The following ZBTB16 variants were observed in gnomAD, a reference collection of about 807,000 sequenced individuals.
ZBTB16 encodes the protein zinc finger and BTB domain-containing protein 16.
Under a neutral mutation model 56.8 loss-of-function variants are expected in ZBTB16, and 8 were observed. The ratio of observed to expected loss-of-function variants is 0.14; its 90% CI spans 0.08 to 0.25. The LOEUF (loss-of-function observed/expected upper bound fraction) is 0.25. ZBTB16 is among the 10% of genes least tolerant of loss of function. ZBTB16 has a pLI of 1.00. For missense variants in ZBTB16, 625 were observed against 903.0 expected (o/e 0.69, Z 3.95); for synonymous variants, 363 against 368.5 (o/e 0.98, Z 0.17).
intron 2 of ZBTB16, among the ~76,000 whole-genome samples, chr11:114,154,748 ATGTT>A (rs1346297973): frequency 6.6e-6 from 1 of 151,898 alleles, no homozygotes; most frequent in African/African-American, 2.4e-5. Flanking sequence ...GTGTGTGTGT[ATGTT>A]TGTGATTGAG....
intron 3 of ZBTB16, among the ~76,000 whole-genome samples, chr11:114,175,867 C>T (rs1215673133): frequency 6.6e-6 from 1 of 152,012 alleles, no homozygotes; most frequent in Non-Finnish European, 1.5e-5. Context: ...AGGTTATCAG[C>T]TTGAAATGGG....
At position 114,199,726 on chromosome 11, in the gene ZBTB16, C is replaced by A. The variant is rs1943691570; in HGVS notation, c.1453+12688C>A. On this transcript the variant is annotated intron_variant, in intron 4 of 6. Coordinates refer to ENST00000335953, the MANE Select transcript of ZBTB16 (RefSeq NM_006006.6). The stretch of plus-strand genomic sequence containing the variant: ...GGGGTTCTGTGGTTCCAAGGACAGC[C>A]TAAGATTCTGATCTTGCATTGATGG... Among the ~76,000 whole-genome samples the A allele has an allele frequency of 2.0e-5, 3 of 152,186 alleles. No homozygotes were observed. The South Asian group carries it at 6.2e-4, about 32-fold the overall frequency.
chr11:114,167,232 G>GTTTTTTTTTTTTTT lies in ZBTB16; in HGVS notation c.1366+10806_1366+10819dup, dbSNP rs58946694. Among the ~76,000 whole-genome samples the GTTTTTTTTTTTTTT allele has an allele frequency of 1.2e-3, 105 of 88,706 alleles. 6 individuals carry two copies. The highest frequency in any genetic ancestry group is 3.0e-3 in the African/African-American group (50 of 16,624). 58.2% of individuals were successfully genotyped at this position (88,706 alleles called of 152,430 possible). A position where few individuals can be genotyped will look rare whatever the true frequency, so the allele number is the denominator to read the frequency against. ...GGATTTGTGGTTTTTTTTTTTTTTG[G>GTTTTTTTTTTTTTT]TTTTTTTTTTTTTTTTTTTTTGACA... On this transcript the variant is annotated intron_variant, in intron 3 of 6. Coordinates refer to ENST00000335953, the MANE Select transcript of ZBTB16 (RefSeq NM_006006.6).
chr11:114,145,418 T>C (rs1175195483), intron 2 of ZBTB16, among the ~76,000 whole-genome samples: 2 of 152,214 alleles, frequency 1.3e-5, no homozygotes, highest in Non-Finnish European at 2.9e-5. Context: ...CAACCAAATG[T>C]CCATCAGCTG....
At chr11:114,176,274 C>G (rs539543503) in intron 3 of ZBTB16, among the ~76,000 whole-genome samples, 1 of 152,282 alleles carries the variant, frequency 6.6e-6, no homozygotes, top group East Asian at 1.9e-4. Flanking sequence ...GCGGAGATGT[C>G]CCATAAAATC....
chr11:114,177,762 A>T (rs1473153556), intron 3 of ZBTB16, among the ~76,000 whole-genome samples: 1 of 152,190 alleles, frequency 6.6e-6, no homozygotes, highest in Non-Finnish European at 1.5e-5. Flanking sequence ...AGCAATGGTA[A>T]GGTGAACCCC....
chr11:114,085,225 T>G (rs991147577), intron 2 of ZBTB16, among the ~76,000 whole-genome samples: 1 of 152,218 alleles, frequency 6.6e-6, no homozygotes, highest in Non-Finnish European at 1.5e-5. Flanking sequence ...GAAACTCTAT[T>G]TATCTTTACT....
At chr11:114,165,688 G>C (rs546862377) in intron 3 of ZBTB16, among the ~76,000 whole-genome samples, 2 of 152,300 alleles carry the variant, frequency 1.3e-5, no homozygotes, top group Non-Finnish European at 2.9e-5. Flanking sequence ...CAGTGCCAGG[G>C]AGAGGCCTGA....
At chr11:114,173,216 T>C (rs185154865) in intron 3 of ZBTB16, among the ~76,000 whole-genome samples, 54 of 152,266 alleles carry the variant, frequency 3.5e-4, no homozygotes, top group Non-Finnish European at 6.9e-4. Flanking sequence ...CTCAATAAAG[T>C]GATTAAGCTG....
Position 114,061,097 on chromosome 11 carries a change from C to T in ZBTB16, c.-91+1215C>T, listed in dbSNP as rs111247172. ...TCTAGCTCCTCGGGAAAAGTTGCTT[C>T]CCCAAGTTTGCTGAAGTCGTCTCCA... On this transcript the variant is annotated intron_variant, in intron 1 of 6. Transcript: ENST00000335953. Among the ~76,000 whole-genome samples, 548 of 152,186 alleles carry T rather than the reference C, an allele frequency of 3.6e-3. 5 individuals are homozygous for T. Among genetic ancestry groups the T allele is most frequent in the African/African-American group, 0.012 (510 of 41,532 alleles).
chr11:114,181,259 T>C lies in ZBTB16; in HGVS notation c.1367-5693T>C, dbSNP rs61306823. On this transcript the variant is annotated intron_variant, in intron 3 of 6. Transcript: ENST00000335953. ...CTGCGACTTACTGGTTCTGTATATC[T>C]ACCCACCAGCTGTAGGATGGAGCAC... Among the ~76,000 whole-genome samples the C allele has an allele frequency of 6.4e-3, 970 of 152,332 alleles. 11 individuals carry two copies. The highest frequency in any genetic ancestry group is 0.022 in the African/African-American group (935 of 41,574).
rs778479245 is a variant in ZBTB16, at chr11:114,064,506, C to G, written c.1206C>G (p.Ile402Met). The G allele has an allele frequency of 1.9e-6, 3 of 1,614,106 alleles. No homozygotes were observed. Among genetic ancestry groups the G allele is most frequent in the Non-Finnish European group, 2.5e-6 (3 of 1,180,026 alleles). ...AVGMKSESRT[I>M]GEQCSVCGVE... ...GCATGAAGTCAGAGAGCCGGACCAT[C>G]GGAGAGCAGTGCAGCGTGTGTGGGG... Residue 402 changes from isoleucine (I) to methionine (M), a missense_variant, in exon 2 of 7, where the codon ATC (isoleucine) becomes ATG (methionine). Around this residue, in one of 6 missense-constraint regions of ZBTB16, gnomAD observed 384 missense variants for 393.5 expected, o/e 0.98. Coordinates refer to ENST00000335953, the MANE Select transcript of ZBTB16 (RefSeq NM_006006.6). This position sits in a 1 kb window ranked among gnomAD's most constrained non-coding sequence, Gnocchi z 4.2.
chr11:114,232,918 G>A (rs1351784083), intron 4 of ZBTB16, among the ~76,000 whole-genome samples: 4 of 152,088 alleles, frequency 2.6e-5, no homozygotes, highest in African/African-American at 7.2e-5. Flanking sequence ...CACAGCTGGC[G>A]GAGGTGCTTA....
chr11:114,206,953 C>G (rs1388051152), intron 4 of ZBTB16, among the ~76,000 whole-genome samples: 1 of 152,170 alleles, frequency 6.6e-6, no homozygotes, highest in Non-Finnish European at 1.5e-5. Context: ...GCAAGTGACA[C>G]TGGGAAAGGA....
At chr11:114,106,722 C>T (rs1480494766) in intron 2 of ZBTB16, among the ~76,000 whole-genome samples, 1 of 152,188 alleles carries the variant, frequency 6.6e-6, no homozygotes, top group Non-Finnish European at 1.5e-5. Flanking sequence ...GATCCTCCCA[C>T]CTCAGCCGCC....
In ZBTB16 at chr11:114,250,742, C is replaced by G; in HGVS notation, c.*187C>G. ...ATGACCTGGATGCCAAGCCACTGCC[C>G]CTCCTCTGGGGGCCTCCACCCTCCT... is the stretch of plus-strand genomic sequence containing the variant. On this transcript the variant is annotated 3_prime_UTR_variant, in exon 7 of 7. Coordinates refer to ENST00000335953, the MANE Select transcript of ZBTB16 (RefSeq NM_006006.6). This position sits in a 1 kb window ranked among gnomAD's most constrained non-coding sequence, Gnocchi z 6.0. 2 of 657,828 alleles carry G rather than the reference C, an allele frequency of 3.0e-6. No homozygotes were observed. Among genetic ancestry groups the G allele is most frequent in the Non-Finnish European group, 5.1e-6 (2 of 388,350 alleles). The allele number at this position is 657,828 out of a possible 1,614,324, so 40.7% of individuals were successfully genotyped here. A position where few individuals can be genotyped will look rare whatever the true frequency, so the allele number is the denominator to read the frequency against.
At chr11:114,232,745 GC>G (rs34503618) in intron 4 of ZBTB16, among the ~76,000 whole-genome samples, 1 of 150,028 alleles carries the variant, frequency 6.7e-6, no homozygotes, top group East Asian at 2.0e-4. Context: ...ACAAATGGGG[GC>G]CCCCGTGGTG....
intron 4 of ZBTB16, among the ~76,000 whole-genome samples, chr11:114,229,016 G>A (rs560101837): frequency 1.2e-4 from 18 of 152,272 alleles, no homozygotes; most frequent in South Asian, 1.0e-3. Context: ...GTCGGGGTGA[G>A]TAAGGAGTCT....
chr11:114,142,844 C>G (rs1190743814), intron 2 of ZBTB16, among the ~76,000 whole-genome samples: 2 of 152,074 alleles, frequency 1.3e-5, no homozygotes, highest in East Asian at 3.9e-4. Context: ...CTGCCTCCTC[C>G]CCCATCCCCA....
Sources: gnomAD v4.1 joint callset for allele counts (sites outside exome capture counted in the v4.1 genomes callset) on GRCh38, gnomAD v4.1.1 for gene constraint, gnomAD v4.1.1 regional missense constraint, Gnocchi (gnomAD v3.1) non-coding constraint, MANE v1.5 for transcripts, NCBI Gene and HGNC (gene_info 2026-07-23, HGNC 2026-07-21) for gene names.